The following KATNIP variants were observed in gnomAD, a reference collection of about 807,000 sequenced individuals.
The protein encoded by KATNIP is katanin-interacting protein.
KATNIP carries 126 observed loss-of-function variants against 174.0 expected under a neutral mutation model. The ratio of observed to expected loss-of-function variants is 0.72; its 90% confidence interval spans 0.63 to 0.84. The LOEUF (loss-of-function observed/expected upper bound fraction) is 0.84. KATNIP is among the 40% of genes least tolerant of loss of function. The probability of loss-of-function intolerance (pLI) is 0.00; values close to 1 mark genes in which losing one functional copy is unlikely to be tolerated. For missense variants in KATNIP, 1,958 were observed against 2,109.7 expected (o/e 0.93, Z 1.41); for synonymous variants, 810 against 835.7 (o/e 0.97, Z 0.53).
chr16:27,672,946 A>G (rs1320924421), intron 6 of KATNIP, among the ~76,000 whole-genome samples: 2 of 152,126 alleles, frequency 1.3e-5, no homozygotes, highest in East Asian at 1.9e-4. Flanking sequence ...AGTTGGGACA[A>G]TTTGGGGCCC....
intron 2 of KATNIP, among the ~76,000 whole-genome samples, chr16:27,595,041 A>G (rs931149752): frequency 3.9e-5 from 6 of 152,206 alleles, no homozygotes; most frequent in Non-Finnish European, 7.3e-5. Flanking sequence ...AGGAATTGGC[A>G]TTGAAGCCTG....
rs749492018 is a variant in KATNIP at position 27,698,347 on chromosome 16, G to A, written c.960G>A (p.Glu320=). Residue 320 remains glutamate, a synonymous_variant, in exon 9 of 28, where the codon GAG becomes GAA. Coordinates refer to ENST00000261588, the MANE Select transcript of KATNIP (RefSeq NM_015202.5). ...CCTCAGGACCTGGAAGCCGGCGAGA[G>A]AGACCCCTGTCTGCAACCCGCAAAA... The part of the protein sequence containing the change: ...RMCSRPGSRR[E]RPLSATRKTL... The A allele has an allele frequency of 1.2e-6, 2 of 1,610,996 alleles. No homozygotes were observed. Among genetic ancestry groups the A allele is most frequent in the Non-Finnish European group, 1.7e-6 (2 of 1,178,224 alleles).
chr16:27,643,590 C>CAAAAAAAAAAAA (rs562253355), intron 5 of KATNIP, among the ~76,000 whole-genome samples: 4 of 40,486 alleles, frequency 9.9e-5, no homozygotes, highest in Non-Finnish European at 1.2e-4. Context: ...GACTCTGTCT[C>CAAAAAAAAAAAA]AAAAAAAAAA....
intron 1 of KATNIP, among the ~76,000 whole-genome samples, chr16:27,558,167 A>G (rs2089707590): frequency 6.6e-6 from 1 of 152,084 alleles, no homozygotes; most frequent in East Asian, 1.9e-4. Context: ...TTGTTTTTAG[A>G]TAGAGTCTTG....
intron 10 of KATNIP, among the ~76,000 whole-genome samples, chr16:27,701,106 T>C (rs1034957064): frequency 2.0e-5 from 3 of 152,192 alleles, no homozygotes; most frequent in Admixed American, 6.5e-5. Flanking sequence ...AGAGTCTGCT[T>C]ACTTTGTACA....
chr16:27,612,838 G>A (rs573296247), intron 2 of KATNIP, among the ~76,000 whole-genome samples: 18 of 152,134 alleles, frequency 1.2e-4, no homozygotes, highest in African/African-American at 2.4e-4. Context: ...AAGCAGGCAC[G>A]GTGCTACATG....
chr16:27,575,236 C>G (rs2090457232), intron 2 of KATNIP, among the ~76,000 whole-genome samples: 1 of 152,210 alleles, frequency 6.6e-6, no homozygotes, highest in Admixed American at 6.5e-5. Context: ...CAGGCTACTT[C>G]TTGAAGGATG....
chr16:27,581,033 GT>G (rs1322652259), intron 2 of KATNIP, among the ~76,000 whole-genome samples: 4 of 151,888 alleles, frequency 2.6e-5, no homozygotes, highest in Non-Finnish European at 5.9e-5. Context: ...TTGAATCCAG[GT>G]TGGGCAATAT....
rs753490540 is a variant in KATNIP, at chr16:27,751,757, G to A, written c.3385G>A (p.Asp1129Asn). The change falls in exon 17 of 28, where the codon GAT (aspartate) becomes AAT (asparagine). Residue 1129 changes from aspartate to asparagine, a missense_variant. This residue lies in a region of KATNIP where 1,557 missense variants were observed against 1,617.8 expected (regional missense o/e 0.96). Transcript: ENST00000261588. ...HFGDTILFTT[D>N]DDILEAIFYS... Reference sequence around the variant, plus strand: ...TGGAGACACGATCTTATTCACAACCGATGATGACATTCTCGAGGCCATATT... The same window carrying A: ...TGGAGACACGATCTTATTCACAACCAATGATGACATTCTCGAGGCCATATT... 7.4e-6 allele frequency: 12 copies of A among 1,614,228 alleles called. No individual in the cohort carries two copies. The highest frequency in any genetic ancestry group is 2.2e-5 in the South Asian group (2 of 91,088).
In KATNIP at chr16:27,631,089, G is replaced by C. The variant is rs374757472; in HGVS notation, c.335G>C (p.Arg112Pro). The C allele has an allele frequency of 1.3e-6, 2 of 1,573,924 alleles. No individual in the cohort carries two copies. The highest frequency in any genetic ancestry group is 1.7e-6 in the Non-Finnish European group (2 of 1,158,428). Residue 112 changes from arginine to proline, a missense_variant, in exon 5 of 28, where the codon CGA becomes CCA. Coordinates refer to ENST00000261588, the MANE Select transcript of KATNIP (RefSeq NM_015202.5). ...GATTATGGACGAAGAACTCTGTTTC[G>C]AGAAGCTGAAGAAGCCTTAAGACGC... ...THDYGRRTLF[R>P]EAEEALRRSS...
intron 12 of KATNIP, 56 bp from the exon 13 acceptor site, chr16:27,708,649 C>T: frequency 7.0e-7 from 1 of 1,438,022 alleles, no homozygotes; most frequent in Non-Finnish European, 9.6e-7. Context: ...AGAGGCAGAG[C>T]CGAATTCAAG....
intron 8 of KATNIP, among the ~76,000 whole-genome samples, chr16:27,684,410 CCCA>C (rs2078451411): frequency 6.6e-6 from 1 of 152,168 alleles, no homozygotes; most frequent in South Asian, 2.1e-4. Context: ...TTAATTAATA[CCCA>C]CGTCAGCCTA....
chr16:27,569,656 T>C (rs1293344568), intron 1 of KATNIP, among the ~76,000 whole-genome samples: 2 of 152,226 alleles, frequency 1.3e-5, no homozygotes, highest in Non-Finnish European at 2.9e-5. Context: ...CAGTGTAATC[T>C]GGTTACAGCA....
intron 12 of KATNIP, among the ~76,000 whole-genome samples, chr16:27,707,028 A>G (rs1347756356): frequency 6.6e-6 from 1 of 152,178 alleles, no homozygotes; most frequent in Non-Finnish European, 1.5e-5. Context: ...AACAGGCCCT[A>G]TCTTTTATCC....
At chr16:27,661,672 C>T (rs2077478975) in intron 6 of KATNIP, among the ~76,000 whole-genome samples, 1 of 151,470 alleles carries the variant, frequency 6.6e-6, no homozygotes, top group Admixed American at 6.6e-5. Context: ...GGATTACAGG[C>T]GTGAGCCACT....
chr16:27,584,616 C>T (rs1020906719), intron 2 of KATNIP, among the ~76,000 whole-genome samples: 6 of 152,114 alleles, frequency 3.9e-5, no homozygotes, highest in African/African-American at 9.6e-5. Flanking sequence ...CATGGCAAAA[C>T]CCTGTCTCTA....
intron 1 of KATNIP, among the ~76,000 whole-genome samples, chr16:27,566,784 G>A (rs2090106527): frequency 6.6e-6 from 1 of 152,160 alleles, no homozygotes; most frequent in Admixed American, 6.6e-5. Flanking sequence ...GAAATCCCAA[G>A]AGCTATCACC....
chr16:27,654,316 C>G (rs1441593379), intron 6 of KATNIP, among the ~76,000 whole-genome samples: 1 of 152,178 alleles, frequency 6.6e-6, no homozygotes, highest in Non-Finnish European at 1.5e-5. Flanking sequence ...CCTTGGCCAT[C>G]TTTCTACACT....
At chr16:27,716,943 C>T (rs191415577) in intron 13 of KATNIP, among the ~76,000 whole-genome samples, 136 of 152,174 alleles carry the variant, frequency 8.9e-4, no homozygotes, top group African/African-American at 3.1e-3. Flanking sequence ...CTCCCGGGTT[C>T]GAGCGATTCT....
Sources: gnomAD v4.1 joint callset for allele counts (sites outside exome capture counted in the v4.1 genomes callset) on GRCh38, gnomAD v4.1.1 for gene constraint, gnomAD v4.1.1 regional missense constraint, MANE v1.5 for transcripts, NCBI Gene and HGNC (gene_info 2026-07-23, HGNC 2026-07-21) for gene names.